Variants in CTC1 observed in about 807,000 individuals in gnomAD.
The protein encoded by CTC1 is CST complex subunit CTC1.
In CTC1, 91 loss-of-function variants were observed where a neutral mutation model predicts 136.3. The observed-to-expected ratio is 0.67, with a 90% confidence interval of 0.56 to 0.79. The LOEUF is 0.79. Ranked by LOEUF, CTC1 falls within the 30% of genes least tolerant of loss-of-function variation. CTC1 has a pLI of 0.00. For synonymous variants in CTC1, 606 were observed against 613.8 expected, an observed-to-expected ratio of 0.99 and a Z score of 0.19; for missense variants, 1,432 against 1,498.1, an observed-to-expected ratio of 0.96 and a Z score of 0.73.
chr17:8,228,930 A>G (rs1280363154), intron 20 of CTC1, 38 bp from the exon 21 acceptor site: 3 of 1,579,242 alleles, frequency 1.9e-6, no homozygotes, highest in Non-Finnish European at 1.7e-6. Flanking sequence ...GCCTATAGCA[A>G]CCCAGGTTGC....
At position 8,225,209 on chromosome 17, in the gene CTC1, C is replaced by T. The variant is rs1986537468; in HGVS notation, c.*2971G>A. The T allele has an allele frequency of 6.6e-6, 1 of 152,260 alleles. No homozygotes were observed. The highest frequency in any genetic ancestry group is 1.5e-5 in the Non-Finnish European group (1 of 68,064). The allele number at this position is 152,260 out of a possible 1,614,324, so 9.4% of individuals were successfully genotyped here. On this transcript the variant is annotated 3_prime_UTR_variant, in exon 23 of 23. Coordinates refer to ENST00000651323, the MANE Select transcript of CTC1 (RefSeq NM_025099.6). ...TTCAGACTTAGCTGATCACCCTCTA[C>T]CCTCAGGCCAGATTAGATTCCACTT...
chr17:8,238,186 A>T lies in CTC1; in HGVS notation c.492T>A (p.Ser164Arg). 2.5e-6 allele frequency: 4 copies of T among 1,613,512 alleles called. No individual in the cohort carries two copies. Among genetic ancestry groups the T allele is most frequent in the Non-Finnish European group, 3.4e-6 (4 of 1,179,550 alleles). ...AATTCCACCTGGCAGGAGGGAGGTA[A>T]CTCCAACGGGGGAACAGAAAAAGAT... The part of the protein sequence containing the change: ...LGHLFLFPRW[S>R]YLPPARWNSS... The change falls in exon 4 of 23, where the codon AGT becomes AGA. Residue 164 changes from serine (S) to arginine (R), a missense_variant. Physicochemically the swap from Ser to Arg is moderately radical, Grantham distance 110. Coordinates refer to ENST00000651323, the MANE Select transcript of CTC1 (RefSeq NM_025099.6).
chr17:8,228,355 G>T, intron 22 of CTC1, 36 bp from the exon 23 acceptor site: 2 of 1,610,180 alleles, frequency 1.2e-6, no homozygotes, highest in Non-Finnish European at 1.7e-6. Context: ...CACGTCTCAG[G>T]CATGTGGCTT....
chr17:8,232,690 T>C, intron 11 of CTC1: 2 of 704,048 alleles, frequency 2.8e-6, no homozygotes, highest in Non-Finnish European at 4.9e-6. Flanking sequence ...GAGTGCATGT[T>C]AGGAGCTACG....
chr17:8,229,836 T>C (rs937424524), intron 18 of CTC1, 55 bp downstream of exon 18: 1 of 1,401,538 alleles, frequency 7.1e-7, no homozygotes, highest in African/African-American at 1.4e-5. Context: ...CAGGGACATG[T>C]GGGAGATGCA....
At chr17:8,228,425 C>A in intron 22 of CTC1, 78 bp downstream of exon 22, 2 of 1,610,434 alleles carry the variant, frequency 1.2e-6, no homozygotes, top group Admixed American at 3.3e-5. Flanking sequence ...GTCCCTCATC[C>A]CTCTTCCTCC....
chr17:8,244,354 G>C (rs1012740817), intron 1 of CTC1, among the ~76,000 whole-genome samples: 3 of 152,122 alleles, frequency 2.0e-5, no homozygotes, highest in African/African-American at 4.8e-5. Context: ...ATGATATGTA[G>C]ATAACTTTAG....
Position 8,228,155 on chromosome 17 carries a change from C to T in CTC1, c.*25G>A, listed in dbSNP as rs1235614129. 14 of 1,608,928 alleles carry T rather than the reference C, an allele frequency of 8.7e-6. No individual in the cohort carries two copies. Among genetic ancestry groups the T allele is most frequent in the Non-Finnish European group, 1.1e-5 (13 of 1,175,872 alleles). On this transcript the variant is annotated 3_prime_UTR_variant, in exon 23 of 23. Transcript: ENST00000651323. The stretch of plus-strand genomic sequence containing the variant: ...CCTTCAGGTTTTCAGCAAGGAAGGA[C>T]TCTCAGGCCATCCTTGCAGTTCAGT...
intron 4 of CTC1, among the ~76,000 whole-genome samples, 173 bp downstream of exon 4, chr17:8,237,858 T>C (rs547860325): frequency 9.2e-5 from 14 of 152,182 alleles, no homozygotes; most frequent in African/African-American, 3.1e-4. Context: ...AAGGCACAGA[T>C]CCCTTGAACA....
At chr17:8,244,292 G>A (rs886869200) in intron 1 of CTC1, among the ~76,000 whole-genome samples, 7 of 152,122 alleles carry the variant, frequency 4.6e-5, no homozygotes, top group Non-Finnish European at 7.4e-5. Context: ...TTCCTGAGGA[G>A]GATATGGACT....
chr17:8,228,061 T>C lies in CTC1; in HGVS notation c.*119A>G. 2 of 1,001,486 alleles carry C rather than the reference T, an allele frequency of 2.0e-6. No individual in the cohort carries two copies. Among genetic ancestry groups the C allele is most frequent in the Non-Finnish European group, 3.0e-6 (2 of 669,940 alleles). The allele number at this position is 1,001,486 out of a possible 1,614,324, so 62.0% of individuals were successfully genotyped here. ...CCAAAGAAGGGAAATTATAGTGGAG[T>C]AGCAGTTTGTGAATCTGGAGTCCTT... is the stretch of plus-strand genomic sequence containing the variant. On this transcript the variant is annotated 3_prime_UTR_variant, in exon 23 of 23. Coordinates refer to ENST00000651323, the MANE Select transcript of CTC1 (RefSeq NM_025099.6).
At chr17:8,240,147 G>C (rs114936743) in intron 2 of CTC1, among the ~76,000 whole-genome samples, 4 of 146,798 alleles carry the variant, frequency 2.7e-5, no homozygotes, top group African/African-American at 7.4e-5. Context: ...CAACCAGAGA[G>C]AACTGTCTCT....
In CTC1 at chr17:8,234,923, C is replaced by T. The variant is rs1390174018; in HGVS notation, c.1443G>A (p.Leu481=). The T allele has an allele frequency of 4.4e-6, 7 of 1,594,752 alleles. 1 individual carries two copies. The African/African-American group carries it at 5.4e-5, about 12-fold the overall frequency. Residue 481 remains leucine, a synonymous_variant, in exon 9 of 23, where the codon CTG becomes CTA. Transcript: ENST00000651323. ...GGTGGTGTCTCAGCACATGGGGACA[C>T]AGCCTTGGCCAGGAAAAGCAGCACA... ...TKALEELACK[L]CPHVLRHHQF... is the part of the protein sequence containing the mutation.
chr17:8,231,253 A>G (rs1437007093), intron 15 of CTC1, 23 bp downstream of exon 15: 1 of 1,492,564 alleles, frequency 6.7e-7, no homozygotes, highest in Non-Finnish European at 9.0e-7. Flanking sequence ...CAAATTAACC[A>G]GAGGGGCTTG....
Position 8,238,251 on chromosome 17 carries a change from G to T in CTC1, c.436-9C>A. On this transcript the variant is annotated splice_polypyrimidine_tract_variant and intron_variant, in intron 3 of 22. Transcript: ENST00000651323. ...AGGTCCAGGTCTATGAGCTAAGAAA[G>T]ACCAAGAGCAAGGGTTAATCAGAAC... 1 of 1,593,258 alleles carries T rather than the reference G, an allele frequency of 6.3e-7. No homozygotes were observed. The highest frequency in any genetic ancestry group is 1.1e-5 in the South Asian group (1 of 88,742).
chr17:8,225,651 G>C lies in CTC1; in HGVS notation c.*2529C>G, dbSNP rs913344207. 6.6e-6 allele frequency: 1 copy of C among 152,258 alleles called. No homozygotes were observed. The highest frequency in any genetic ancestry group is 2.4e-5 in the African/African-American group (1 of 41,508). 9.4% of individuals were successfully genotyped at this position (152,258 alleles called of 1,614,324 possible). The stretch of plus-strand genomic sequence containing the variant: ...TCAGCCCTTCTGCACCCTGCTGCAC[G>C]AAACCTGGTGCCAGGCCAGGCCAGG... On this transcript the variant is annotated 3_prime_UTR_variant, in exon 23 of 23. Coordinates refer to ENST00000651323, the MANE Select transcript of CTC1 (RefSeq NM_025099.6).
chr17:8,231,592 C>T (rs991610595), intron 14 of CTC1, 123 bp from the exon 15 acceptor site: 8 of 1,226,382 alleles, frequency 6.5e-6, no homozygotes, highest in African/African-American at 1.5e-5. Context: ...TCAACACACA[C>T]AGGCTTTCTG....
rs947312992 is a variant in CTC1 at position 8,231,307 on chromosome 17, C to T, written c.2638G>A (p.Glu880Lys). The T allele has an allele frequency of 1.9e-6, 3 of 1,592,762 alleles. No homozygotes were observed. The highest frequency in any genetic ancestry group is 1.7e-6 in the Non-Finnish European group (2 of 1,164,980). Residue 880 changes from glutamate (E) to lysine (K), a missense_variant, in exon 15 of 23, where the codon GAA becomes AAA. Coordinates refer to ENST00000651323, the MANE Select transcript of CTC1 (RefSeq NM_025099.6). ...DVLDANKSLP[E>K]SSLTDLLSDN... ...CTGAGCAGGTCGGTCAGTGAGGATT[C>T]AGGCAATGACTTGTTTGCATCCAGC...
At position 8,234,870 on chromosome 17, in the gene CTC1, C is replaced by G. The variant is rs765406506; in HGVS notation, c.1496G>C (p.Ser499Thr). 1.2e-6 allele frequency: 2 copies of G among 1,612,444 alleles called. No homozygotes were observed. Among genetic ancestry groups the G allele is most frequent in the African/African-American group, 2.7e-5 (2 of 74,848 alleles). ...HQFLQHSSPG[S>T]PSLGLQLLAP... ...CAGGAGTTGCAGTCCCAGGCTGGGG[C>G]TCCCAGGAGAGGAATGTTGCAGGAA... The change falls in exon 9 of 23, where the codon AGC becomes ACC. Residue 499 changes from serine to threonine, a missense_variant. Transcript: ENST00000651323.
Sources: allele counts gnomAD v4.1 joint callset (sites outside exome capture counted in the v4.1 genomes callset), GRCh38; gene constraint gnomAD v4.1.1; transcripts MANE v1.5; gene names NCBI Gene and HGNC (gene_info 2026-07-23, HGNC 2026-07-21).